The following SLCO2A1 variants were observed in gnomAD, a reference collection of about 807,000 sequenced individuals.
SLCO2A1 encodes matrin F/G 1.
In SLCO2A1, 60 loss-of-function variants were observed where a neutral mutation model predicts 71.7. The observed-to-expected ratio is 0.84, with a 90% CI of 0.68 to 1.04. SLCO2A1 has a LOEUF of 1.04. Ranked by LOEUF, SLCO2A1 falls within the 50% of genes least tolerant of loss-of-function variation. The pLI is 0.00. For synonymous variants in SLCO2A1, 308 were observed against 326.7 expected, an observed-to-expected ratio of 0.94 and a Z score of 0.62; for missense variants, 745 against 813.4, an observed-to-expected ratio of 0.92 and a Z score of 1.02.
At chr3:133,992,103 T>C (rs1004217405) in intron 1 of SLCO2A1, among the ~76,000 whole-genome samples, 1 of 152,228 alleles carries the variant, frequency 6.6e-6, no homozygotes, top group African/African-American at 2.4e-5. Context: ...GACCACTTTT[T>C]TAGTTTAGTA....
At chr3:133,990,804 G>C (rs1168760096) in intron 1 of SLCO2A1, among the ~76,000 whole-genome samples, 1 of 152,118 alleles carries the variant, frequency 6.6e-6, no homozygotes, top group East Asian at 1.9e-4. Flanking sequence ...CTGCTTCCCA[G>C]TGTCATCAGA....
intron 1 of SLCO2A1, among the ~76,000 whole-genome samples, chr3:134,012,859 A>C (rs1330384820): frequency 2.7e-5 from 4 of 147,896 alleles, no homozygotes; most frequent in African/African-American, 1.1e-4. Flanking sequence ...CCCCTGCACC[A>C]CAGTCAGAAG....
intron 6 of SLCO2A1, 108 bp downstream of exon 6, chr3:133,951,100 C>T (rs779492491): frequency 8.3e-6 from 12 of 1,449,612 alleles, no homozygotes; most frequent in Admixed American, 3.4e-5. Flanking sequence ...TTAGATTTCA[C>T]CCTGAATTTG....
At chr3:133,995,929 A>G (rs1254814553) in intron 1 of SLCO2A1, among the ~76,000 whole-genome samples, 1 of 151,708 alleles carries the variant, frequency 6.6e-6, no homozygotes, top group African/African-American at 2.4e-5. Flanking sequence ...TTCTGCAGGA[A>G]TAGTAAGTTA....
intron 9 of SLCO2A1, 24 bp from the exon 10 acceptor site, chr3:133,945,284 G>T (rs1933544751): frequency 6.3e-7 from 1 of 1,589,774 alleles, no homozygotes. Flanking sequence ...AGGAAACGGG[G>T]AATCAAACAA....
intron 6 of SLCO2A1, chr3:133,950,952 C>T (rs1933729950): frequency 1.3e-5 from 6 of 475,698 alleles, no homozygotes; most frequent in Non-Finnish European, 1.9e-5. Flanking sequence ...CAGTGTTTCC[C>T]AAACTGTTCC....
intron 3 of SLCO2A1, 147 bp from the exon 4 acceptor site, chr3:133,955,340 G>T: frequency 1.6e-6 from 1 of 627,848 alleles, no homozygotes; most frequent in African/African-American, 1.8e-5. Flanking sequence ...TGGTTCCTGA[G>T]GACCGCGTCC....
At chr3:134,005,161 T>C (rs62272008) in intron 1 of SLCO2A1, among the ~76,000 whole-genome samples, 2 of 152,210 alleles carry the variant, frequency 1.3e-5, no homozygotes, top group African/African-American at 4.8e-5. Flanking sequence ...TTGTAGATTA[T>C]CAAGATTCCT....
At chr3:134,009,060 A>G (rs1197426159) in intron 1 of SLCO2A1, among the ~76,000 whole-genome samples, 1 of 152,194 alleles carries the variant, frequency 6.6e-6, no homozygotes, top group Non-Finnish European at 1.5e-5. Context: ...CATTTTACAT[A>G]CCACAATGAG....
In SLCO2A1 at chr3:133,934,775, T is replaced by C. The variant is rs747565677; in HGVS notation, c.1870A>G (p.Ile624Val). ...KALGMLLLCF[I>V]SWRVKKNKEY... is the part of the protein sequence containing the mutation. ...TTGTTCTTCTTCACCCTCCAGCTGA[T>C]GAAGCAAAGCAGCAGCATGCCCAGC... Residue 624 changes from isoleucine to valine, a missense_variant, in exon 14 of 14, where the codon ATC (isoleucine) becomes GTC (valine). Transcript: ENST00000310926. The C allele has an allele frequency of 4.3e-6, 7 of 1,613,212 alleles. No homozygotes were observed. The Middle Eastern group carries it at 5.0e-4, about 116-fold the overall frequency.
chr3:134,025,000 G>T (rs1935669292), intron 1 of SLCO2A1, among the ~76,000 whole-genome samples: 1 of 151,988 alleles, frequency 6.6e-6, no homozygotes, highest in South Asian at 2.1e-4. Flanking sequence ...AGCAGTATGT[G>T]GACGGGAGCA....
At chr3:133,978,214 G>A (rs1198847025) in intron 2 of SLCO2A1, among the ~76,000 whole-genome samples, 2 of 152,206 alleles carry the variant, frequency 1.3e-5, no homozygotes, top group Non-Finnish European at 2.9e-5. Flanking sequence ...GCAAGAGACT[G>A]GAGGAACGGT....
At chr3:134,024,290 T>C (rs993474257) in intron 1 of SLCO2A1, among the ~76,000 whole-genome samples, 11 of 152,240 alleles carry the variant, frequency 7.2e-5, no homozygotes, top group African/African-American at 2.4e-4. Context: ...TCGACTCTCA[T>C]GTCTGTTTAG....
At chr3:133,967,902 G>A (rs1576438971) in intron 3 of SLCO2A1, among the ~76,000 whole-genome samples, 2 of 39,930 alleles carry the variant, frequency 5.0e-5, no homozygotes, top group Non-Finnish European at 4.7e-5. Context: ...CACTTCCCCC[G>A]ACATGTACCC....
chr3:133,959,797 G>A (rs1388329763), intron 3 of SLCO2A1, among the ~76,000 whole-genome samples: 4 of 151,960 alleles, frequency 2.6e-5, no homozygotes, highest in South Asian at 2.1e-4. Flanking sequence ...CTGCCTGGGC[G>A]ACAGAGTGAG....
At chr3:133,935,652 G>A in intron 13 of SLCO2A1, 122 bp downstream of exon 13, 1 of 1,175,650 alleles carries the variant, frequency 8.5e-7, no homozygotes. Context: ...CCGCAGAGGT[G>A]GCCCTTCATG....
At chr3:133,986,947 T>A (rs767975769) in intron 1 of SLCO2A1, among the ~76,000 whole-genome samples, 1 of 152,192 alleles carries the variant, frequency 6.6e-6, no homozygotes, top group Non-Finnish European at 1.5e-5. Context: ...CAGTGGCATC[T>A]AACCGTGGTT....
chr3:133,938,137 G>A (rs1329959746), intron 12 of SLCO2A1, among the ~76,000 whole-genome samples: 1 of 152,216 alleles, frequency 6.6e-6, no homozygotes, highest in African/African-American at 2.4e-5. Context: ...TTGTGAGAAG[G>A]ATTTAAAAAT....
chr3:133,942,800 A>C, intron 10 of SLCO2A1, 32 bp from the exon 11 acceptor site: 1 of 1,572,856 alleles, frequency 6.4e-7, no homozygotes, highest in Non-Finnish European at 8.6e-7. Context: ...AAAAGGGGGA[A>C]ATTTGTTATT....
Sources: allele counts gnomAD v4.1 joint callset (sites outside exome capture counted in the v4.1 genomes callset), GRCh38; gene constraint gnomAD v4.1.1; transcripts MANE v1.5; gene names NCBI Gene and HGNC (gene_info 2026-07-23, HGNC 2026-07-21).